Variants in LRRC1 observed in about 807,000 individuals in gnomAD.
LRRC1 encodes the protein leucine-rich repeat-containing protein 1.
In LRRC1, 28 loss-of-function variants were observed where a neutral mutation model predicts 69.9. The ratio of observed to expected loss-of-function variants is 0.40; its 90% CI spans 0.30 to 0.55. The LOEUF (loss-of-function observed/expected upper bound fraction) is 0.55. Among genes scored for constraint, LRRC1 ranks in the 20% least tolerant of loss-of-function variants. The probability of loss-of-function intolerance (pLI) is 0.47; values close to 1 mark genes in which losing one functional copy is unlikely to be tolerated. For synonymous variants in LRRC1, 236 were observed against 240.2 expected (o/e 0.98, Z 0.16); for missense variants, 498 against 609.0 (o/e 0.82, Z 1.92).
intron 2 of LRRC1, among the ~76,000 whole-genome samples, chr6:53,874,377 G>A (rs1003585739): frequency 5.9e-5 from 9 of 151,568 alleles, no homozygotes; most frequent in Admixed American, 1.3e-4. Context: ...TATAATATTA[G>A]TGAAAAACAA....
chr6:53,921,004 A>G (rs1028407510), intron 13 of LRRC1, among the ~76,000 whole-genome samples: 4 of 151,362 alleles, frequency 2.6e-5, no homozygotes, highest in East Asian at 3.9e-4. Context: ...GTCTCCCTCT[A>G]TCACCCAGGC....
At chr6:53,841,668 A>G (rs1308424620) in intron 1 of LRRC1, among the ~76,000 whole-genome samples, 1 of 152,116 alleles carries the variant, frequency 6.6e-6, no homozygotes, top group Non-Finnish European at 1.5e-5. Flanking sequence ...GATATTTATT[A>G]TACTTTCTGA....
chr6:53,813,361 C>G (rs986712637), intron 1 of LRRC1, among the ~76,000 whole-genome samples: 1 of 151,896 alleles, frequency 6.6e-6, no homozygotes, highest in African/African-American at 2.4e-5. Context: ...CCATGAGGGA[C>G]CAAAAAATCA....
intron 1 of LRRC1, among the ~76,000 whole-genome samples, chr6:53,811,641 A>G (rs963194541): frequency 1.3e-5 from 2 of 152,248 alleles, no homozygotes; most frequent in Admixed American, 1.3e-4. Flanking sequence ...ATGTACAGCT[A>G]GGCAGTTAAA....
intron 8 of LRRC1, among the ~76,000 whole-genome samples, chr6:53,901,068 A>T (rs980195870): frequency 5.3e-5 from 8 of 151,874 alleles, no homozygotes; most frequent in Admixed American, 4.6e-4. Flanking sequence ...TCTATGCGAG[A>T]TGTTCACTGA....
At chr6:53,795,911 G>A (rs1156654587) in intron 1 of LRRC1, among the ~76,000 whole-genome samples, 1 of 152,236 alleles carries the variant, frequency 6.6e-6, no homozygotes. Context: ...GCACTATCTC[G>A]GCATCTTGGG....
At chr6:53,867,610 C>T (rs756695546) in intron 2 of LRRC1, among the ~76,000 whole-genome samples, 5 of 152,054 alleles carry the variant, frequency 3.3e-5, no homozygotes, top group Admixed American at 6.5e-5. Context: ...GTATGTAGAA[C>T]AAGCCCAATT....
intron 1 of LRRC1, among the ~76,000 whole-genome samples, chr6:53,839,453 A>G (rs1003929551): frequency 2.6e-5 from 4 of 152,218 alleles, no homozygotes; most frequent in African/African-American, 7.2e-5. Flanking sequence ...AGAGTAATGT[A>G]TGCAAATAGT....
At chr6:53,809,901 G>A (rs1365903224) in intron 1 of LRRC1, among the ~76,000 whole-genome samples, 1 of 152,246 alleles carries the variant, frequency 6.6e-6, no homozygotes, top group Non-Finnish European at 1.5e-5. Flanking sequence ...CTGGGCGCTT[G>A]TATGACTTCC....
intron 2 of LRRC1, among the ~76,000 whole-genome samples, chr6:53,849,065 T>C (rs1766041675): frequency 6.7e-6 from 1 of 149,684 alleles, no homozygotes; most frequent in Non-Finnish European, 1.5e-5. Context: ...CCTATGCTTT[T>C]TTTTTTTTTT....
intron 1 of LRRC1, among the ~76,000 whole-genome samples, chr6:53,808,155 G>A (rs572392081): frequency 6.6e-6 from 1 of 152,342 alleles, no homozygotes; most frequent in South Asian, 2.1e-4. Flanking sequence ...AAGAGAAGAA[G>A]CAGGGAGACT....
At chr6:53,824,039 T>C (rs1216305364) in intron 1 of LRRC1, among the ~76,000 whole-genome samples, 2 of 152,210 alleles carry the variant, frequency 1.3e-5, no homozygotes, top group East Asian at 3.9e-4. Flanking sequence ...GTGGTAGTTC[T>C]GTTTTTAGGT....
intron 4 of LRRC1, among the ~76,000 whole-genome samples, chr6:53,886,790 C>T (rs1767495924): frequency 6.6e-6 from 1 of 152,134 alleles, no homozygotes; most frequent in Non-Finnish European, 1.5e-5. Context: ...TGAAATAGAT[C>T]CCAGACTTGC....
intron 1 of LRRC1, among the ~76,000 whole-genome samples, chr6:53,838,921 C>G (rs1411208268): frequency 6.6e-6 from 1 of 152,028 alleles, no homozygotes; most frequent in Non-Finnish European, 1.5e-5. Flanking sequence ...TCTTTGTCAC[C>G]CAACATAACT....
At chr6:53,907,048 C>G (rs912610668) in intron 10 of LRRC1, among the ~76,000 whole-genome samples, 1 of 152,230 alleles carries the variant, frequency 6.6e-6, no homozygotes, top group Non-Finnish European at 1.5e-5. Context: ...CCTGACCTCT[C>G]ATTGCATCAC....
intron 2 of LRRC1, among the ~76,000 whole-genome samples, chr6:53,865,827 T>C (rs1175872097): frequency 6.6e-6 from 1 of 151,906 alleles, no homozygotes; most frequent in African/African-American, 2.4e-5. Flanking sequence ...GATCACGTGA[T>C]TCTTTTGCCT....
chr6:53,919,606 C>A lies in LRRC1; in HGVS notation c.1215C>A (p.Thr405=). 1 of 1,613,922 alleles carries A rather than the reference C, an allele frequency of 6.2e-7. No homozygotes were observed. Residue 405 remains threonine (T), a synonymous_variant, in exon 12 of 14, where the codon ACC becomes ACA. Coordinates refer to ENST00000370888, the MANE Select transcript of LRRC1 (RefSeq NM_018214.5). ...CATTCCAGACAGACACAGACTACAC[C>A]ACAGGAGAGAAGATTTTAACCTGTG... The part of the protein sequence containing the change: ...LLTFQTDTDY[T]TGEKILTCVL...
chr6:53,892,007 T>TACAC (rs748031793), intron 4 of LRRC1, among the ~76,000 whole-genome samples: 1 of 67,188 alleles, frequency 1.5e-5, no homozygotes, highest in Non-Finnish European at 3.0e-5. Flanking sequence ...AAAATATATA[T>TACAC]ATATACACAC....
At chr6:53,867,971 A>G (rs4715430) in intron 2 of LRRC1, among the ~76,000 whole-genome samples, 1 of 150,554 alleles carries the variant, frequency 6.6e-6, no homozygotes, top group Non-Finnish European at 1.5e-5. Flanking sequence ...AAAAAAAAAA[A>G]TTTTTTTGTT....
Sources: allele counts gnomAD v4.1 joint callset (sites outside exome capture counted in the v4.1 genomes callset), GRCh38; gene constraint gnomAD v4.1.1; transcripts MANE v1.5; gene names NCBI Gene and HGNC (gene_info 2026-07-23, HGNC 2026-07-21).